The following AOPEP variants were observed in gnomAD, a reference collection of about 807,000 sequenced individuals.
AOPEP encodes aminopeptidase O (putative), also known as aminopeptidase O.
AOPEP carries 77 observed loss-of-function variants against 98.1 expected under a neutral mutation model. That is an observed-to-expected ratio of 0.78 (90% CI 0.65 to 0.95). AOPEP has a LOEUF of 0.95. AOPEP is among the 40% of genes least tolerant of loss of function. The probability of loss-of-function intolerance (pLI) is 0.00; values close to 1 mark genes in which losing one functional copy is unlikely to be tolerated. For missense variants in AOPEP, 1,024 were observed against 1,024.7 expected (o/e 1.00, Z 0.01); for synonymous variants, 346 against 365.3 (o/e 0.95, Z 0.60).
chr9:95,133,235 TGAG>T, the AOPEP span, among the ~76,000 whole-genome samples: 27 of 152,354 alleles, frequency 1.8e-4, no homozygotes, highest in Non-Finnish European at 2.9e-4. Context: ...CCCAGGATGC[TGAG>T]GAGAACAGCC....
At chr9:95,110,511 A>G in the AOPEP span, 1 of 1,030,812 alleles carries the variant, frequency 9.7e-7, no homozygotes, top group Non-Finnish European at 1.2e-6. Context: ...TACGTGGGTT[A>G]TAATTTTTTC....
At chr9:94,881,333 G>A (rs2047563382) in intron 5 of AOPEP, among the ~76,000 whole-genome samples, 1 of 151,422 alleles carries the variant, frequency 6.6e-6, no homozygotes, top group South Asian at 2.1e-4. Flanking sequence ...AGGCTTATTG[G>A]TAGACTAACA....
chr9:94,889,886 G>A (rs2048675896), intron 5 of AOPEP, among the ~76,000 whole-genome samples: 1 of 152,104 alleles, frequency 6.6e-6, no homozygotes, highest in Non-Finnish European at 1.5e-5. Context: ...GGTATGTAGT[G>A]GTACCACATT....
At chr9:94,897,863 A>G (rs7860048) in intron 5 of AOPEP, among the ~76,000 whole-genome samples, 1,575 of 143,682 alleles carry the variant, frequency 0.011, 33 homozygotes, top group African/African-American at 0.04. Context: ...TTTTGGATAC[A>G]GAGACTTGCT....
intron 10 of AOPEP, among the ~76,000 whole-genome samples, chr9:94,978,436 G>T (rs2059981382): frequency 3.3e-5 from 5 of 152,136 alleles, no homozygotes; most frequent in Admixed American, 3.3e-4. Context: ...TCAGATCTCA[G>T]ATGGTTTCAA....
intron 10 of AOPEP, among the ~76,000 whole-genome samples, chr9:94,968,615 G>T (rs1199219019): frequency 6.6e-6 from 1 of 152,194 alleles, no homozygotes. Flanking sequence ...GACCTCAAGT[G>T]ATCCACCCGC....
intron 5 of AOPEP, among the ~76,000 whole-genome samples, chr9:94,910,630 T>G: frequency 6.6e-6 from 1 of 152,194 alleles, no homozygotes; most frequent in Non-Finnish European, 1.5e-5. Flanking sequence ...TCCAGCTCTT[T>G]CGGAGGACAG....
intron 5 of AOPEP, among the ~76,000 whole-genome samples, chr9:94,877,953 T>C (rs1738202450): frequency 6.6e-6 from 1 of 152,128 alleles, no homozygotes; most frequent in South Asian, 2.1e-4. Flanking sequence ...ATATCAAGGA[T>C]AGGTTTCCAC....
intron 13 of AOPEP, among the ~76,000 whole-genome samples, chr9:95,029,023 G>A (rs1421521369): frequency 6.6e-6 from 1 of 152,236 alleles, no homozygotes; most frequent in African/African-American, 2.4e-5. Context: ...ATGGGGCAGA[G>A]TTTCCAGGTA....
intron 3 of AOPEP, among the ~76,000 whole-genome samples, chr9:94,776,077 T>C (rs950217066): frequency 6.6e-6 from 1 of 152,098 alleles, no homozygotes; most frequent in Non-Finnish European, 1.5e-5. Context: ...CAAAGCATTA[T>C]GTGCAATAAC....
chr9:94,988,832 A>G (rs2060681039), intron 11 of AOPEP, among the ~76,000 whole-genome samples: 3 of 152,124 alleles, frequency 2.0e-5, no homozygotes, highest in Admixed American at 2.0e-4. Context: ...CTCCATAGGT[A>G]CGGCTGGAAC....
At chr9:95,063,560 C>T (rs980352644) in intron 14 of AOPEP, among the ~76,000 whole-genome samples, 4 of 152,202 alleles carry the variant, frequency 2.6e-5, no homozygotes, top group African/African-American at 9.6e-5. Flanking sequence ...ATGGGCTCCC[C>T]CTGTGTTGTT....
At chr9:94,856,839 A>G (rs1317509478) in intron 5 of AOPEP, among the ~76,000 whole-genome samples, 1 of 152,228 alleles carries the variant, frequency 6.6e-6, no homozygotes, top group Non-Finnish European at 1.5e-5. Context: ...ACACACCTCT[A>G]GCATCTGAAA....
intron 1 of AOPEP, among the ~76,000 whole-genome samples, chr9:94,754,882 A>G (rs1332882351): frequency 6.6e-6 from 1 of 152,206 alleles, no homozygotes; most frequent in East Asian, 1.9e-4. Context: ...GTTATATCCC[A>G]CATTTGTAAA....
At chr9:94,733,328 G>A (rs543403507) in intron 1 of AOPEP, among the ~76,000 whole-genome samples, 1 of 152,196 alleles carries the variant, frequency 6.6e-6, no homozygotes, top group Non-Finnish European at 1.5e-5. Flanking sequence ...GGCTGATCTT[G>A]AACCCTTGGG....
chr9:94,734,244 G>A (rs1831234119), intron 1 of AOPEP, among the ~76,000 whole-genome samples: 1 of 152,122 alleles, frequency 6.6e-6, no homozygotes, highest in South Asian at 2.1e-4. Context: ...TGAAGGAAGT[G>A]TAGTTGCCTA....
intron 13 of AOPEP, among the ~76,000 whole-genome samples, chr9:95,012,677 C>T (rs532789920): frequency 3.9e-5 from 6 of 152,058 alleles, no homozygotes; most frequent in South Asian, 2.1e-4. Flanking sequence ...CAGCGTGTAT[C>T]GAGTCTAGCC....
chr9:95,136,439 C>A, the AOPEP span, among the ~76,000 whole-genome samples: 1 of 151,612 alleles, frequency 6.6e-6, no homozygotes, highest in Non-Finnish European at 1.5e-5. Context: ...ATGCACTGGA[C>A]CTTAAGTGTG....
the AOPEP span, among the ~76,000 whole-genome samples, chr9:95,098,282 A>ACTT: frequency 6.6e-6 from 1 of 151,974 alleles, no homozygotes; most frequent in African/African-American, 2.4e-5. Context: ...CCCATTCGTA[A>ACTT]CTTCTCCACT....
Sources: allele counts gnomAD v4.1 joint callset (sites outside exome capture counted in the v4.1 genomes callset), GRCh38; gene constraint gnomAD v4.1.1; transcripts MANE v1.5; gene names NCBI Gene and HGNC (gene_info 2026-07-23, HGNC 2026-07-21).